The following RAB3C variants were observed in gnomAD, a reference collection of about 807,000 sequenced individuals.
RAB3C encodes ras-related protein Rab-3C.
A neutral mutation model predicts 26.4 loss-of-function variants in RAB3C; 17 were observed. The ratio of observed to expected loss-of-function variants is 0.64; its 90% confidence interval spans 0.44 to 0.97. The LOEUF (loss-of-function observed/expected upper bound fraction) is 0.97, where lower values mean the gene tolerates loss of function less well. Among genes scored for constraint, RAB3C ranks in the 50% least tolerant of loss-of-function variants. The pLI, the probability that RAB3C is intolerant of heterozygous loss-of-function variation, is 0.00. For missense variants in RAB3C, 242 were observed against 281.9 expected (o/e 0.86, Z 1.01); for synonymous variants, 91 against 95.9 (o/e 0.95, Z 0.30).
intron 2 of RAB3C, among the ~76,000 whole-genome samples, chr5:58,620,357 C>T (rs1746910130): frequency 6.6e-6 from 1 of 152,076 alleles, no homozygotes; most frequent in Admixed American, 6.5e-5. Flanking sequence ...ATAGTGTATA[C>T]AATACTGTAT....
At chr5:58,626,792 C>T (rs763766632) in intron 2 of RAB3C, among the ~76,000 whole-genome samples, 21 of 152,246 alleles carry the variant, frequency 1.4e-4, no homozygotes, top group Non-Finnish European at 2.5e-4. Flanking sequence ...ACCTATTTAA[C>T]GCCATACTTT....
chr5:58,830,432 G>A (rs1743588375), intron 4 of RAB3C, among the ~76,000 whole-genome samples: 1 of 152,128 alleles, frequency 6.6e-6, no homozygotes, highest in Non-Finnish European at 1.5e-5. Flanking sequence ...AAGAGTTTGG[G>A]TGTATTGACC....
intron 2 of RAB3C, among the ~76,000 whole-genome samples, chr5:58,684,437 A>T (rs1748405330): frequency 6.6e-6 from 1 of 152,338 alleles, no homozygotes; most frequent in African/African-American, 2.4e-5. Context: ...CACAGGCCTC[A>T]GTTGGAATGC....
intron 1 of RAB3C, among the ~76,000 whole-genome samples, chr5:58,593,491 C>T (rs1032512908): frequency 6.6e-6 from 1 of 151,988 alleles, no homozygotes; most frequent in Non-Finnish European, 1.5e-5. Flanking sequence ...TTTACATTTC[C>T]ATGTCATTTA....
intron 2 of RAB3C, among the ~76,000 whole-genome samples, chr5:58,639,192 A>G (rs1747358198): frequency 6.6e-6 from 1 of 152,226 alleles, no homozygotes; most frequent in Non-Finnish European, 1.5e-5. Flanking sequence ...TGCTCATTGA[A>G]ATGAGTGAGC....
intron 2 of RAB3C, among the ~76,000 whole-genome samples, chr5:58,697,504 C>T (rs1051565537): frequency 6.6e-5 from 10 of 151,916 alleles, no homozygotes; most frequent in Admixed American, 2.0e-4. Context: ...CGTTGATCTG[C>T]CTAATATTGG....
intron 2 of RAB3C, among the ~76,000 whole-genome samples, chr5:58,619,569 A>G (rs1468043577): frequency 1.3e-5 from 2 of 152,198 alleles, no homozygotes; most frequent in South Asian, 2.1e-4. Flanking sequence ...TGAAAGAACA[A>G]TCATTCCTCT....
intron 3 of RAB3C, among the ~76,000 whole-genome samples, chr5:58,765,748 T>C (rs292961): frequency 0.2 from 30,342 of 152,142 alleles, 3,252 homozygotes; most frequent in East Asian, 0.32. Context: ...ATATATGATA[T>C]CAAGACATAA....
intron 3 of RAB3C, among the ~76,000 whole-genome samples, chr5:58,802,029 C>T (rs1261276960): frequency 6.6e-6 from 1 of 152,096 alleles, no homozygotes; most frequent in Admixed American, 6.5e-5. Context: ...ATTGTTCTTA[C>T]TGAGGAAAGC....
rs1320826336 is a variant in RAB3C, at chr5:58,725,986, T to C, written c.253-16T>C. The C allele has an allele frequency of 2.1e-6, 3 of 1,431,972 alleles. No individual in the cohort carries two copies. Among genetic ancestry groups the C allele is most frequent in the Non-Finnish European group, 2.9e-6 (3 of 1,046,554 alleles). The allele number at this position is 1,431,972 out of a possible 1,614,324, so 88.7% of individuals were successfully genotyped here. A position where few individuals can be genotyped will look rare whatever the true frequency, so the allele number is the denominator to read the frequency against. On this transcript the variant is annotated splice_polypyrimidine_tract_variant and intron_variant, in intron 2 of 4. Coordinates refer to ENST00000282878, the MANE Select transcript of RAB3C (RefSeq NM_138453.4). The stretch of plus-strand genomic sequence containing the variant: ...CCTTATTTCTGAGAGATTATCATTT[T>C]TTTTTTATTCTTTAGGACACAGCAG...
intron 3 of RAB3C, among the ~76,000 whole-genome samples, chr5:58,813,613 TATATATATATATATATATATACAC>T (rs1367249174): frequency 0.017 from 969 of 55,716 alleles, 34 homozygotes; most frequent in African/African-American, 0.051. Flanking sequence ...TATATATATA[TATATATATATATATATATATACAC>T]ACACACACAC....
At chr5:58,804,088 A>G (rs990746323) in intron 3 of RAB3C, among the ~76,000 whole-genome samples, 2 of 151,936 alleles carry the variant, frequency 1.3e-5, no homozygotes. Flanking sequence ...ATTCTTAAAA[A>G]CTATCAGGAT....
intron 2 of RAB3C, among the ~76,000 whole-genome samples, chr5:58,654,369 C>G (rs1177380119): frequency 6.6e-6 from 1 of 152,046 alleles, no homozygotes; most frequent in Non-Finnish European, 1.5e-5. Context: ...AAATAAGAAA[C>G]AATTACAAAA....
At chr5:58,654,519 TTAAA>T (rs1747724396) in intron 2 of RAB3C, among the ~76,000 whole-genome samples, 2 of 152,198 alleles carry the variant, frequency 1.3e-5, no homozygotes, top group Admixed American at 1.3e-4. Context: ...AAGAGGTTGC[TTAAA>T]TAATTACTTA....
At chr5:58,783,633 C>A (rs1177118236) in intron 3 of RAB3C, among the ~76,000 whole-genome samples, 1 of 152,160 alleles carries the variant, frequency 6.6e-6, no homozygotes, top group African/African-American at 2.4e-5. Flanking sequence ...TGCTCTGGAT[C>A]AAATACTTTT....
At chr5:58,711,019 T>G (rs575009045) in intron 2 of RAB3C, among the ~76,000 whole-genome samples, 2 of 152,260 alleles carry the variant, frequency 1.3e-5, no homozygotes, top group South Asian at 4.1e-4. Flanking sequence ...AAAGCAATCA[T>G]AAAAATAAGA....
rs1449644701 is a variant in RAB3C at position 58,825,058 on chromosome 5, A to G, written c.392A>G (p.Tyr131Cys). Residue 131 changes from tyrosine to cysteine, a missense_variant, in exon 4 of 5, where the codon TAC (tyrosine) becomes TGC (cysteine). Tyr to Cys is a radical substitution (Grantham distance 194). Coordinates refer to ENST00000282878, the MANE Select transcript of RAB3C (RefSeq NM_138453.4). ...TTTAGGTCAACTCAAATCAAAACAT[A>G]CTCTTGGGACAATGCCCAAGTTATT... ...VQDWSTQIKTYSWDNAQVILV... is the reference protein window; with the variant it reads ...VQDWSTQIKTCSWDNAQVILV... 6.2e-7 allele frequency: 1 copy of G among 1,608,838 alleles called. No individual in the cohort carries two copies. Among genetic ancestry groups the G allele is most frequent in the African/African-American group, 1.3e-5 (1 of 74,650 alleles).
intron 3 of RAB3C, among the ~76,000 whole-genome samples, chr5:58,800,036 C>T (rs866589529): frequency 1.3e-5 from 2 of 152,220 alleles, no homozygotes; most frequent in Admixed American, 6.5e-5. Flanking sequence ...TATAACCTTA[C>T]AGTATCCATC....
intron 3 of RAB3C, among the ~76,000 whole-genome samples, chr5:58,795,260 C>A (rs1040759374): frequency 6.6e-6 from 1 of 152,164 alleles, no homozygotes; most frequent in African/African-American, 2.4e-5. Flanking sequence ...GTCAATTAAA[C>A]CTCTTTCCTT....
Sources: allele counts gnomAD v4.1 joint callset (sites outside exome capture counted in the v4.1 genomes callset), GRCh38; gene constraint gnomAD v4.1.1; transcripts MANE v1.5; gene names NCBI Gene and HGNC (gene_info 2026-07-23, HGNC 2026-07-21).